The following DNAH6 variants were observed in gnomAD, a reference collection of about 807,000 sequenced individuals.
The protein encoded by DNAH6 is axonemal beta dynein heavy chain 6.
In DNAH6, 340 loss-of-function variants were observed where a neutral mutation model predicts 491.4. The ratio of observed to expected loss-of-function variants is 0.69; its 90% CI spans 0.63 to 0.76. DNAH6 has a LOEUF of 0.76. DNAH6 is among the 30% of genes least tolerant of loss of function. The probability of loss-of-function intolerance (pLI) is 0.00; values close to 1 mark genes in which losing one functional copy is unlikely to be tolerated. For missense variants in DNAH6, 4,443 were observed against 4,972.2 expected, an observed-to-expected ratio of 0.89 and a Z score of 3.20; for synonymous variants, 1,603 against 1,686.1, an observed-to-expected ratio of 0.95 and a Z score of 1.21.
chr2:84,688,006 G>A (rs973390544), intron 44 of DNAH6, among the ~76,000 whole-genome samples: 9 of 152,030 alleles, frequency 5.9e-5, no homozygotes, highest in Non-Finnish European at 1.2e-4. Context: ...AGGCAGAAGC[G>A]GGCAGATTAT....
intron 48 of DNAH6, among the ~76,000 whole-genome samples, chr2:84,700,776 G>A (rs142007741): frequency 0.01 from 1,589 of 152,314 alleles, 24 homozygotes; most frequent in Non-Finnish European, 0.011. Flanking sequence ...GAGGACGTAA[G>A]GTCCCTGTAA....
chr2:84,686,123 G>A (rs1377186959), intron 43 of DNAH6, among the ~76,000 whole-genome samples: 1 of 151,700 alleles, frequency 6.6e-6, no homozygotes, highest in Admixed American at 6.6e-5. Context: ...AGGAGGCGGA[G>A]GTTGCGGTGA....
intron 68 of DNAH6, among the ~76,000 whole-genome samples, chr2:84,790,515 T>G (rs1358022138): frequency 6.6e-6 from 1 of 152,192 alleles, no homozygotes; most frequent in East Asian, 1.9e-4. Context: ...CCAAAGTATA[T>G]AAAGACCTCT....
At chr2:84,639,944 T>C (rs1558837010) in intron 31 of DNAH6, among the ~76,000 whole-genome samples, 1 of 152,178 alleles carries the variant, frequency 6.6e-6, no homozygotes, top group Non-Finnish European at 1.5e-5. Context: ...TAACCAAGGA[T>C]GCAGAAACTT....
chr2:84,553,422 T>C (rs1320422365), intron 10 of DNAH6, among the ~76,000 whole-genome samples: 4 of 148,212 alleles, frequency 2.7e-5, no homozygotes, highest in Admixed American at 6.8e-5. Flanking sequence ...TCTTTCTTTC[T>C]TTCTTTCTTT....
chr2:84,761,775 T>TAC (rs1203133240), intron 63 of DNAH6, among the ~76,000 whole-genome samples: 14 of 123,618 alleles, frequency 1.1e-4, no homozygotes, highest in Admixed American at 4.0e-4. Context: ...CAGCATTACA[T>TAC]ACACACACAC....
intron 4 of DNAH6, among the ~76,000 whole-genome samples, chr2:84,539,269 A>G (rs1209877682): frequency 6.6e-6 from 1 of 152,116 alleles, no homozygotes; most frequent in Non-Finnish European, 1.5e-5. Context: ...TTCCCAATAC[A>G]GTTAGATCTA....
At position 84,670,376 on chromosome 2, in the gene DNAH6, TA is replaced by T; in HGVS notation, c.6356del (p.Tyr2119LeufsTer6). 1 of 1,543,864 alleles carries T rather than the reference TA, an allele frequency of 6.5e-7. No individual in the cohort carries two copies. Among genetic ancestry groups the T allele is most frequent in the South Asian group, 1.2e-5 (1 of 82,708 alleles). ...LLNKIQESAG[Y>X]VPVYLNFSAQ... is the part of the protein sequence containing the mutation. ...AAATAAAATTCAAGAATCAGCTGGC[TA>T]TGTCCCTGTTTATCTAAATTTTTCT... On this transcript the variant is annotated frameshift_variant, in exon 39 of 77. Transcript: ENST00000389394. LOFTEE classifies it high-confidence loss of function.
chr2:84,485,564 T>C, the DNAH6 span, among the ~76,000 whole-genome samples: 1 of 152,086 alleles, frequency 6.6e-6, no homozygotes, highest in Non-Finnish European at 1.5e-5. Context: ...GTGGAACCTA[T>C]AGAGGGGCAG....
chr2:84,570,998 G>A (rs926036867), intron 11 of DNAH6, among the ~76,000 whole-genome samples: 1 of 152,062 alleles, frequency 6.6e-6, no homozygotes. Context: ...GAGAGTCCGG[G>A]GCTTCATTCT....
At chr2:84,753,599 A>G (rs987444513) in intron 63 of DNAH6, among the ~76,000 whole-genome samples, 3 of 151,688 alleles carry the variant, frequency 2.0e-5, no homozygotes, top group Non-Finnish European at 2.9e-5. Flanking sequence ...CTCTACTAAA[A>G]ATACAAAATT....
intron 63 of DNAH6, among the ~76,000 whole-genome samples, chr2:84,749,512 T>C (rs984055657): frequency 6.6e-6 from 1 of 152,100 alleles, no homozygotes; most frequent in African/African-American, 2.4e-5. Context: ...TGGGTGACTG[T>C]GAAAGAGATA....
chr2:84,759,435 G>A (rs571389301), intron 63 of DNAH6, among the ~76,000 whole-genome samples: 1 of 152,256 alleles, frequency 6.6e-6, no homozygotes, highest in South Asian at 2.1e-4. Flanking sequence ...CTTGAACCCA[G>A]GAGGCAGAGG....
intron 11 of DNAH6, among the ~76,000 whole-genome samples, chr2:84,561,336 T>A (rs1025823149): frequency 1.3e-5 from 2 of 152,164 alleles, no homozygotes; most frequent in Non-Finnish European, 2.9e-5. Flanking sequence ...GCTAGCCATA[T>A]GCAGAAAGCT....
intron 21 of DNAH6, among the ~76,000 whole-genome samples, chr2:84,611,435 C>G (rs1315434486): frequency 6.6e-6 from 1 of 151,974 alleles, no homozygotes; most frequent in African/African-American, 2.4e-5. Context: ...TTCTCTGGAT[C>G]CATTCTGGTA....
intron 76 of DNAH6, among the ~76,000 whole-genome samples, chr2:84,818,821 C>G (rs185232975): frequency 6.6e-6 from 1 of 152,336 alleles, no homozygotes; most frequent in Admixed American, 6.5e-5. Flanking sequence ...TGCCTGTAAT[C>G]CCAGCACTTT....
chr2:84,625,913 T>C (rs1687812997), intron 29 of DNAH6, among the ~76,000 whole-genome samples: 1 of 152,204 alleles, frequency 6.6e-6, no homozygotes, highest in African/African-American at 2.4e-5. Context: ...AAATAACTTT[T>C]TCAGTTAATT....
chr2:84,671,661 G>A (rs368437221), intron 39 of DNAH6, among the ~76,000 whole-genome samples: 88 of 152,282 alleles, frequency 5.8e-4, no homozygotes, highest in African/African-American at 1.9e-3. Flanking sequence ...CCTTCCTGCT[G>A]CTTGGCTTCC....
At chr2:84,818,759 C>T (rs1389758504) in intron 76 of DNAH6, among the ~76,000 whole-genome samples, 2 of 152,156 alleles carry the variant, frequency 1.3e-5, no homozygotes, top group Non-Finnish European at 2.9e-5. Context: ...AGATATGAAA[C>T]TCATTTGAAT....
Sources: gnomAD v4.1 joint callset for allele counts (sites outside exome capture counted in the v4.1 genomes callset) on GRCh38, gnomAD v4.1.1 for gene constraint, MANE v1.5 for transcripts, NCBI Gene and HGNC (gene_info 2026-07-23, HGNC 2026-07-21) for gene names.